Variants in WLS observed in about 807,000 individuals in gnomAD.
WLS encodes the protein protein wntless homolog.
WLS carries 23 observed loss-of-function variants against 62.8 expected under a neutral mutation model. That is an observed-to-expected ratio of 0.37 (90% CI 0.26 to 0.52). The LOEUF (loss-of-function observed/expected upper bound fraction) is 0.52. Among genes scored for constraint, WLS ranks in the 20% least tolerant of loss-of-function variants. The pLI, the probability that WLS is intolerant of heterozygous loss-of-function variation, is 0.92. For missense variants in WLS, 615 were observed against 697.3 expected, an observed-to-expected ratio of 0.88 and a Z score of 1.33; for synonymous variants, 246 against 244.1, an observed-to-expected ratio of 1.01 and a Z score of -0.07.
At chr1:68,171,070 C>T (rs958178543) in intron 2 of WLS, among the ~76,000 whole-genome samples, 1 of 150,436 alleles carries the variant, frequency 6.6e-6, no homozygotes, top group African/African-American at 2.4e-5. Flanking sequence ...TACTTCTACT[C>T]CCCCCAAACC....
In WLS at chr1:68,171,554, G is replaced by A. The variant is rs1003485643; in HGVS notation, c.380-12307C>T. On this transcript the variant is annotated intron_variant, in intron 2 of 11. Transcript: ENST00000262348. ...GAAGATTCTAATGCAGCCAACAAAC[G>A]TGAAAAAAAGCTCATCATCACTGGT... 2.5e-4 allele frequency among the ~76,000 whole-genome samples: 38 copies of A among 151,944 alleles called. 1 individual carries two copies. The highest frequency in any genetic ancestry group is 4.8e-5 in the African/African-American group (2 of 41,360).
At chr1:68,190,919 G>A (rs563851121) in intron 2 of WLS, among the ~76,000 whole-genome samples, 29 of 152,206 alleles carry the variant, frequency 1.9e-4, no homozygotes, top group African/African-American at 4.8e-4. Flanking sequence ...TTAGCCAGGC[G>A]TGGTGGCACA....
In WLS at chr1:68,126,283, G is replaced by GGT; in HGVS notation, c.1567_1568dup (p.His524ProfsTer12). 2 of 1,612,292 alleles carry GGT rather than the reference G, an allele frequency of 1.2e-6. No individual in the cohort carries two copies. Among genetic ancestry groups the GGT allele is most frequent in the Non-Finnish European group, 1.7e-6 (2 of 1,179,416 alleles). On this transcript the variant is annotated frameshift_variant, in exon 12 of 12. Coordinates refer to ENST00000262348, the MANE Select transcript of WLS (RefSeq NM_024911.7). LOFTEE classifies it high-confidence loss of function. ...AGATCTCAGTGGGTCCGTCCACATG[G>GGT]GTGATAGTGGTGGTGAGCTGGAGTT...
At chr1:68,180,313 T>C (rs2100565017) in intron 2 of WLS, among the ~76,000 whole-genome samples, 1 of 152,110 alleles carries the variant, frequency 6.6e-6, no homozygotes, top group South Asian at 2.1e-4. Context: ...TGTAATCTTC[T>C]CCCAAGCCTT....
rs562347984 is a variant in WLS at position 68,161,652 on chromosome 1, A to T, written c.380-2405T>A. On this transcript the variant is annotated intron_variant, in intron 2 of 11. Transcript: ENST00000262348. ...AGCATCAATGATGCATAAGTCCAGA[A>T]TCAGTTACAAAGACCATCATATTCT... is the stretch of plus-strand genomic sequence containing the variant. The T allele has an allele frequency of 1.3e-5, 12 of 890,930 alleles. No homozygotes were observed. In the East Asian group the frequency reaches 2.9e-4, roughly 21 times the overall value. The allele number at this position is 890,930 out of a possible 1,614,324, so 55.2% of individuals were successfully genotyped here.
intron 2 of WLS, among the ~76,000 whole-genome samples, chr1:68,173,887 G>GT (rs1164833693): frequency 6.6e-6 from 1 of 152,068 alleles, no homozygotes; most frequent in Admixed American, 6.5e-5. Context: ...AAATAAATGA[G>GT]TTTTTTCCCC....
chr1:68,151,521 G>A (rs1215292340), intron 5 of WLS, among the ~76,000 whole-genome samples: 2 of 152,150 alleles, frequency 1.3e-5, no homozygotes, highest in Non-Finnish European at 1.5e-5. Context: ...GAAAAGCAAG[G>A]ATTGTGCTCT....
intron 11 of WLS, among the ~76,000 whole-genome samples, chr1:68,104,248 C>T (rs556220228): frequency 9.9e-5 from 15 of 152,002 alleles, no homozygotes; most frequent in East Asian, 1.9e-4. Context: ...AAAAGTCACA[C>T]GAAACTCTTC....
intron 1 of WLS, among the ~76,000 whole-genome samples, chr1:68,226,922 G>A (rs150487265): frequency 2.3e-4 from 35 of 152,256 alleles, no homozygotes; most frequent in African/African-American, 7.9e-4. Flanking sequence ...TCAAATCATT[G>A]TAAAATGTCA....
intron 11 of WLS, among the ~76,000 whole-genome samples, chr1:68,105,355 A>G (rs1646129139): frequency 6.6e-6 from 1 of 152,236 alleles, no homozygotes; most frequent in African/African-American, 2.4e-5. Flanking sequence ...TAATTGTTTT[A>G]AAACAGGGAT....
At chr1:68,207,560 T>C (rs1484031239) in intron 1 of WLS, among the ~76,000 whole-genome samples, 1 of 152,214 alleles carries the variant, frequency 6.6e-6, no homozygotes, top group Non-Finnish European at 1.5e-5. Flanking sequence ...GAGAAAACAA[T>C]GATTACAGAG....
chr1:68,109,317 A>G (rs1646189003), intron 11 of WLS, among the ~76,000 whole-genome samples: 1 of 152,240 alleles, frequency 6.6e-6, no homozygotes, highest in African/African-American at 2.4e-5. Flanking sequence ...GGGTCCTTAG[A>G]TTTCCGTGGA....
Position 68,125,644 on chromosome 1 carries a change from ATCT to A in WLS, c.*579_*581del, listed in dbSNP as rs1646418774. 1.6e-5 allele frequency: 16 copies of A among 985,566 alleles called. No individual in the cohort carries two copies. Among genetic ancestry groups the A allele is most frequent in the Non-Finnish European group, 1.8e-5 (15 of 830,038 alleles). 61.1% of individuals were successfully genotyped at this position (985,566 alleles called of 1,614,324 possible). Reference sequence around the variant, plus strand: ...AGCTGAAATACCCCTGGTGGAATAAATCTTCTCATGAAATTCAGTTATATTATG... The same window carrying A: ...AGCTGAAATACCCCTGGTGGAATAAATCTCATGAAATTCAGTTATATTATG... On this transcript the variant is annotated 3_prime_UTR_variant, in exon 12 of 12. Coordinates refer to ENST00000262348, the MANE Select transcript of WLS (RefSeq NM_024911.7).
intron 3 of WLS, among the ~76,000 whole-genome samples, chr1:68,158,466 C>T (rs191224384): frequency 6.6e-6 from 1 of 152,228 alleles, no homozygotes; most frequent in African/African-American, 2.4e-5. Context: ...AGAAGGTCAT[C>T]CTGCCTACGT....
intron 1 of WLS, among the ~76,000 whole-genome samples, chr1:68,200,553 T>A (rs1469442284): frequency 6.6e-6 from 1 of 151,170 alleles, no homozygotes. Flanking sequence ...GGAGCTTATA[T>A]TCTCCAGCTA....
intron 2 of WLS, among the ~76,000 whole-genome samples, chr1:68,184,272 G>T (rs956434233): frequency 1.3e-5 from 2 of 152,304 alleles, no homozygotes; most frequent in Admixed American, 1.3e-4. Context: ...GAAGCCCTTG[G>T]AGAGTCTGGG....
chr1:68,162,685 T>G, intron 2 of WLS: 1 of 1,230,498 alleles, frequency 8.1e-7, no homozygotes, highest in Non-Finnish European at 1.2e-6. Context: ...GATGGTAGAG[T>G]CCGGTGTCTC....
chr1:68,111,015 TAAAAA>T (rs1303960860), intron 11 of WLS, among the ~76,000 whole-genome samples: 3 of 152,124 alleles, frequency 2.0e-5, no homozygotes, highest in African/African-American at 7.2e-5. Context: ...AAGTACCCAT[TAAAAA>T]AGAAAACATT....
intron 10 of WLS, among the ~76,000 whole-genome samples, chr1:68,138,996 A>C (rs1646649846): frequency 6.6e-6 from 1 of 152,228 alleles, no homozygotes; most frequent in African/African-American, 2.4e-5. Flanking sequence ...TATCTTCTGT[A>C]TAATCCATAA....
Sources: gnomAD v4.1 joint callset for allele counts (sites outside exome capture counted in the v4.1 genomes callset) on GRCh38, gnomAD v4.1.1 for gene constraint, MANE v1.5 for transcripts, NCBI Gene and HGNC (gene_info 2026-07-23, HGNC 2026-07-21) for gene names.